SCN11A: variants seen among roughly 807,000 people sequenced by gnomAD.
The protein encoded by SCN11A is sodium channel protein type 11 subunit alpha.
Under a neutral mutation model 162.2 loss-of-function variants are expected in SCN11A, and 122 were observed. That is an observed-to-expected ratio of 0.75 (90% CI 0.65 to 0.87). The LOEUF (loss-of-function observed/expected upper bound fraction) is 0.87. Ranked by LOEUF, SCN11A falls within the 40% of genes least tolerant of loss-of-function variation. The pLI, the probability that SCN11A is intolerant of heterozygous loss-of-function variation, is 0.00. For missense variants in SCN11A, 2,015 were observed against 2,181.6 expected (o/e 0.92, Z 1.52); for synonymous variants, 758 against 751.5 (o/e 1.01, Z -0.14).
At chr3:38,867,248 C>T (rs1282568612) in intron 27 of SCN11A, 73 bp downstream of exon 27, 1 of 1,422,190 alleles carries the variant, frequency 7.0e-7, no homozygotes, top group Non-Finnish European at 9.8e-7. Flanking sequence ...CATTCTAGGC[C>T]AGAATTATGT....
At chr3:39,004,537 G>GT (rs2125599898) in intron 2 of SCN11A, among the ~76,000 whole-genome samples, 1 of 152,180 alleles carries the variant, frequency 6.6e-6, no homozygotes, top group East Asian at 1.9e-4. Context: ...TTTTAAAATA[G>GT]TTTTTTTCTA....
chr3:39,013,652 T>TCATAAAA (rs1216325112), intron 2 of SCN11A, among the ~76,000 whole-genome samples: 1 of 152,204 alleles, frequency 6.6e-6, no homozygotes, highest in Non-Finnish European at 1.5e-5. Flanking sequence ...TACTTAACTC[T>TCATAAAA]CATAAAACAA....
chr3:38,969,920 G>T (rs1332292002), intron 2 of SCN11A, among the ~76,000 whole-genome samples: 1 of 152,008 alleles, frequency 6.6e-6, no homozygotes, highest in Non-Finnish European at 1.5e-5. Context: ...CCCACATAAG[G>T]TGGCCCAATC....
chr3:38,986,850 T>A (rs912601623), intron 2 of SCN11A, among the ~76,000 whole-genome samples: 2 of 152,208 alleles, frequency 1.3e-5, no homozygotes, highest in Non-Finnish European at 2.9e-5. Context: ...TTGAGGTTTG[T>A]ACTGAGTCTC....
Position 38,850,298 on chromosome 3 carries a change from A to G in SCN11A, c.4327+183T>C, listed in dbSNP as rs1275696118. 5 of 588,444 alleles carry G rather than the reference A, an allele frequency of 8.5e-6. No individual in the cohort carries two copies. In the East Asian group the frequency reaches 1.4e-4, roughly 17 times the overall value. The allele number at this position is 588,444 out of a possible 1,614,324, so 36.5% of individuals were successfully genotyped here. ...GTAGTGAGTTAAGGGAACAGAAATT[A>G]CTCTCTATCTCCTAGCAACTTCCCA... On this transcript the variant is annotated intron_variant, in intron 29 of 29. Transcript: ENST00000302328.
chr3:38,898,408 C>T (rs1445944045), intron 17 of SCN11A, among the ~76,000 whole-genome samples: 1 of 152,228 alleles, frequency 6.6e-6, no homozygotes, highest in African/African-American at 2.4e-5. Flanking sequence ...ACGGTTGCCA[C>T]ACAGACCACA....
intron 26 of SCN11A, among the ~76,000 whole-genome samples, chr3:38,867,965 C>G (rs2065068511): frequency 6.6e-6 from 1 of 152,122 alleles, no homozygotes; most frequent in Non-Finnish European, 1.5e-5. Context: ...TAGTGCCTAG[C>G]ATACCTTCTG....
At chr3:39,007,012 A>G (rs955713790) in intron 2 of SCN11A, among the ~76,000 whole-genome samples, 1 of 152,070 alleles carries the variant, frequency 6.6e-6, no homozygotes, top group Non-Finnish European at 1.5e-5. Context: ...GAGAGAGAGA[A>G]AAAGAAGAAT....
intron 2 of SCN11A, among the ~76,000 whole-genome samples, chr3:39,000,345 T>C (rs1205631758): frequency 1.3e-5 from 2 of 152,208 alleles, no homozygotes; most frequent in African/African-American, 2.4e-5. Context: ...TTACAAGTCC[T>C]CAAGGTATGC....
intron 2 of SCN11A, among the ~76,000 whole-genome samples, chr3:38,967,238 T>C (rs900511696): frequency 2.0e-5 from 3 of 152,204 alleles, no homozygotes; most frequent in Non-Finnish European, 2.9e-5. Context: ...CTATCCCAAA[T>C]TGAACAGGGC....
intron 2 of SCN11A, among the ~76,000 whole-genome samples, chr3:38,963,352 GATATAT>G (rs377651422): frequency 0.023 from 873 of 38,244 alleles, 17 homozygotes; most frequent in Non-Finnish European, 0.026. Context: ...CTATTTGATG[GATATAT>G]ATATATATAT....
At chr3:38,957,802 C>T (rs1362878033) in intron 3 of SCN11A, among the ~76,000 whole-genome samples, 4 of 152,220 alleles carry the variant, frequency 2.6e-5, no homozygotes, top group Non-Finnish European at 5.9e-5. Context: ...CATTCATGTG[C>T]TGGGCACTGG....
chr3:38,867,408 G>A lies in SCN11A; in HGVS notation c.3864C>T (p.Phe1288=), dbSNP rs1162186968. Residue 1288 remains phenylalanine, a synonymous_variant, in exon 27 of 30, where the codon TTC becomes TTT. Transcript: ENST00000302328. ...ATGAGCCAAAGATGATAAAGACTACGAAGTAAATGTAACCGAGTGAATTGC... is the reference window on the plus strand; with the variant it reads ...ATGAGCCAAAGATGATAAAGACTACAAAGTAAATGTAACCGAGTGAATTGC... ...FESNSLGYIY[F]VVFIIFGSFF... 7.4e-6 allele frequency: 12 copies of A among 1,612,886 alleles called. No homozygotes were observed. The highest frequency in any genetic ancestry group is 6.6e-5 in the South Asian group (6 of 91,030).
rs200995619 is a variant in SCN11A at position 38,950,212 on chromosome 3, G to A, written c.151C>T (p.Arg51Trp). The A allele has an allele frequency of 6.8e-6, 11 of 1,614,040 alleles. No homozygotes were observed. The highest frequency in any genetic ancestry group is 3.3e-5 in the South Asian group (3 of 91,066). ...KDQTGEVPQP[R>W]PQLDLKASRK... ...GAGGCCTTTAGGTCAAGCTGAGGCC[G>A]AGGCTGGGGTACTTCTCCTGTCTGG... Residue 51 changes from arginine to tryptophan, a missense_variant, in exon 5 of 30, where the codon CGG becomes TGG. Arg to Trp is a moderately radical substitution (Grantham distance 101). Coordinates refer to ENST00000302328, the MANE Select transcript of SCN11A (RefSeq NM_001349253.2).
At chr3:38,910,973 G>A (rs983754992) in intron 11 of SCN11A, among the ~76,000 whole-genome samples, 1 of 152,030 alleles carries the variant, frequency 6.6e-6, no homozygotes, top group African/African-American at 2.4e-5. Context: ...AAAATTACAT[G>A]CACCAAAAAG....
chr3:38,940,768 C>G (rs2066431143), intron 7 of SCN11A, among the ~76,000 whole-genome samples: 1 of 151,950 alleles, frequency 6.6e-6, no homozygotes, highest in Non-Finnish European at 1.5e-5. Flanking sequence ...GTGTTTCTAA[C>G]TATAAATCAA....
rs534908697 is a variant in SCN11A at position 38,901,782 on chromosome 3, T to A, written c.1843-1709A>T. Among the ~76,000 whole-genome samples, 5 of 152,296 alleles carry A rather than the reference T, an allele frequency of 3.3e-5. No individual in the cohort carries two copies. The South Asian group carries it at 1.0e-3, about 32-fold the overall frequency. ...ATTGTATGTCCAGGGAGTAGGCCCA[T>A]GGAATGGAAACACAAGCTATGTGTA... On this transcript the variant is annotated intron_variant, in intron 16 of 29. Transcript: ENST00000302328.
At chr3:38,981,239 A>G (rs776836714) in intron 2 of SCN11A, among the ~76,000 whole-genome samples, 1 of 152,204 alleles carries the variant, frequency 6.6e-6, no homozygotes. Flanking sequence ...ATGTTTAACA[A>G]GCCTTCTCTG....
At chr3:38,927,375 T>C (rs1458996447) in intron 7 of SCN11A, among the ~76,000 whole-genome samples, 1 of 152,172 alleles carries the variant, frequency 6.6e-6, no homozygotes, top group Non-Finnish European at 1.5e-5. Context: ...TGTTAAGATA[T>C]CGTACTACCC....
Sources: gnomAD v4.1 joint callset for allele counts (sites outside exome capture counted in the v4.1 genomes callset) on GRCh38, gnomAD v4.1.1 for gene constraint, MANE v1.5 for transcripts, NCBI Gene and HGNC (gene_info 2026-07-23, HGNC 2026-07-21) for gene names.